Variants in TET3 observed in about 807,000 individuals in gnomAD.
TET3 encodes the protein methylcytosine dioxygenase TET3.
In TET3, 19 loss-of-function variants were observed where a neutral mutation model predicts 141.4. That is an observed-to-expected ratio of 0.13 (90% CI 0.09 to 0.20). The LOEUF (loss-of-function observed/expected upper bound fraction) is 0.20, where lower values mean the gene tolerates loss of function less well. Among genes scored for constraint, TET3 ranks in the 10% least tolerant of loss-of-function variants. TET3 has a pLI of 1.00. For missense variants in TET3, 1,874 were observed against 2,356.9 expected (o/e 0.80, Z 4.24); for synonymous variants, 1,043 against 980.9 (o/e 1.06, Z -1.18).
In TET3 at chr2:74,089,080, C is replaced by CAAA. The variant is rs34315040; in HGVS notation, c.2889-795_2889-793dup. ...TGAGCAACAGAACAGGATTCCGTCT[C>CAAA]AAAAAAAAAAAAAAAAAAAAAAAAG... On this transcript the variant is annotated intron_variant, in intron 7 of 11. Coordinates refer to ENST00000409262, the MANE Select transcript of TET3 (RefSeq NM_001287491.2). Among the ~76,000 whole-genome samples, 152 of 60,532 alleles carry CAAA rather than the reference C, an allele frequency of 2.5e-3. 1 individual carries two copies. The highest frequency in any genetic ancestry group is 3.3e-3 in the African/African-American group (53 of 16,144). 39.7% of individuals were successfully genotyped at this position (60,532 alleles called of 152,430 possible).
At chr2:74,002,756 A>G in intron 2 of TET3, 3 of 531,448 alleles carry the variant, frequency 5.6e-6, no homozygotes, top group South Asian at 2.6e-5. Flanking sequence ...TCCGGCGGGG[A>G]TAATGGGAGG....
At chr2:74,009,040 C>T (rs1685293235) in intron 3 of TET3, among the ~76,000 whole-genome samples, 1 of 152,210 alleles carries the variant, frequency 6.6e-6, no homozygotes, top group Admixed American at 6.5e-5. Context: ...TGAGCCCTGC[C>T]GACTGAGTGT....
chr2:74,003,567 T>TG (rs1221756016), intron 3 of TET3, among the ~76,000 whole-genome samples: 59 of 11,452 alleles, frequency 5.2e-3, no homozygotes, highest in African/African-American at 0.016. Context: ...GGAGGGGGGG[T>TG]GGGGGGGCGT....
At chr2:74,133,326 C>T in the TET3 span, among the ~76,000 whole-genome samples, 21 of 152,338 alleles carry the variant, frequency 1.4e-4, no homozygotes, top group South Asian at 4.3e-3. Flanking sequence ...ACCCCAAACA[C>T]TGGCTTAAAA....
At chr2:73,994,517 T>G (rs1273047996) in intron 2 of TET3, among the ~76,000 whole-genome samples, 1 of 152,308 alleles carries the variant, frequency 6.6e-6, no homozygotes, top group East Asian at 1.9e-4. Flanking sequence ...AGGGAAGTTA[T>G]GAGGATGTCC....
At chr2:74,130,497 G>C in the TET3 span, 3 of 152,282 alleles carry the variant, frequency 2.0e-5, no homozygotes, top group African/African-American at 7.2e-5. Context: ...CCTTTTGGTG[G>C]CCCGAAGAAG....
At chr2:74,051,344 A>G (rs983512282) in intron 4 of TET3, among the ~76,000 whole-genome samples, 1 of 152,218 alleles carries the variant, frequency 6.6e-6, no homozygotes, top group Non-Finnish European at 1.5e-5. Flanking sequence ...TTAGAGGAAA[A>G]TACTTAGGTA....
chr2:74,116,004 T>A, the TET3 span, among the ~76,000 whole-genome samples: 2 of 132,616 alleles, frequency 1.5e-5, no homozygotes, highest in Non-Finnish European at 1.6e-5. Context: ...GACACTGAGA[T>A]CTGGTCTCAA....
intron 8 of TET3, among the ~76,000 whole-genome samples, chr2:74,091,294 T>A (rs1272102941): frequency 6.6e-6 from 1 of 152,162 alleles, no homozygotes; most frequent in Non-Finnish European, 1.5e-5. Context: ...TTGGCTTAAT[T>A]TCTCTCAAAT....
intron 4 of TET3, among the ~76,000 whole-genome samples, chr2:74,058,455 G>A (rs774123594): frequency 2.6e-5 from 4 of 151,454 alleles, no homozygotes; most frequent in Non-Finnish European, 5.9e-5. Context: ...GGGAAAATGA[G>A]GGAAATTTGA....
chr2:74,085,092 C>T (rs1474256542), intron 6 of TET3, among the ~76,000 whole-genome samples: 2 of 150,888 alleles, frequency 1.3e-5, no homozygotes, highest in Admixed American at 6.6e-5. Flanking sequence ...CCTAATGCCA[C>T]TAAACGGTGT....
At chr2:74,114,892 TTATC>T in the TET3 span, among the ~76,000 whole-genome samples, 1 of 124,316 alleles carries the variant, frequency 8.0e-6, no homozygotes, top group Admixed American at 8.5e-5. Context: ...GGAAAACTGG[TTATC>T]TATATGCGAA....
intron 8 of TET3, 42 bp from the exon 9 acceptor site, chr2:74,092,860 G>C: frequency 6.5e-7 from 1 of 1,533,602 alleles, no homozygotes. Flanking sequence ...GGGTCTGCCA[G>C]GCGGGGCTGC....
At chr2:73,984,499 G>C (rs1683893426), upstream of TET3, among the ~76,000 whole-genome samples, 1 of 152,064 alleles carries the variant, frequency 6.6e-6, no homozygotes, top group African/African-American at 2.4e-5. This position sits in a 1 kb window ranked among gnomAD's most constrained non-coding sequence, Gnocchi z 5.6. Flanking sequence ...CGCCGGGGCT[G>C]TCCCGGACAG....
At position 74,047,115 on chromosome 2, in the gene TET3, T is replaced by C; in HGVS notation, c.1198T>C (p.Tyr400His). 1 of 1,613,940 alleles carries C rather than the reference T, an allele frequency of 6.2e-7. No individual in the cohort carries two copies. Among genetic ancestry groups the C allele is most frequent in the East Asian group, 2.2e-5 (1 of 44,872 alleles). The change falls in exon 4 of 12, where the codon TAC (tyrosine) becomes CAC (histidine). Residue 400 changes from tyrosine (Y) to histidine (H), a missense_variant. Transcript: ENST00000409262. Reference sequence around the variant, plus strand: ...TGCCCCTTTCAGATCTCCCCAGTCTTACCTCCGGGCTCCCTCATGGCCTGT... The same window carrying C: ...TGCCCCTTTCAGATCTCCCCAGTCTCACCTCCGGGCTCCCTCATGGCCTGT... ...PPAPFRSPQS[Y>H]LRAPSWPVVP...
In TET3 at chr2:74,090,046, A is replaced by T; in HGVS notation, c.3038A>T (p.Glu1013Val). ...CGCCTCGCAGGGGACAATCCCAAAGAGGTGAGCAGAGCTGGGCGGGGACCC... is the reference window on the plus strand; with the variant it reads ...CGCCTCGCAGGGGACAATCCCAAAGTGGTGAGCAGAGCTGGGCGGGGACCC... The part of the protein sequence containing the change: ...KFRLAGDNPK[E>V]EEVLRKSFQD... The change falls in exon 8 of 12, where the codon GAG (glutamate) becomes GTG (valine). Residue 1013 changes from glutamate to valine, a missense_variant and splice_region_variant. This residue lies in a region of TET3 where 126 missense variants were observed against 327.4 expected (regional missense o/e 0.38). Coordinates refer to ENST00000409262, the MANE Select transcript of TET3 (RefSeq NM_001287491.2). 1 of 1,613,928 alleles carries T rather than the reference A, an allele frequency of 6.2e-7. No individual in the cohort carries two copies. Among genetic ancestry groups the T allele is most frequent in the Non-Finnish European group, 8.5e-7 (1 of 1,179,858 alleles).
In TET3 at chr2:74,093,408, C is replaced by A. The variant is rs766655905; in HGVS notation, c.3130-121C>A. ...AGCCAGAAAACCTCCCTCCTGCAGTCGAAGGGCAAGGTGACTATCATCCTT... is the reference window on the plus strand; with the variant it reads ...AGCCAGAAAACCTCCCTCCTGCAGTAGAAGGGCAAGGTGACTATCATCCTT... On this transcript the variant is annotated intron_variant, in intron 9 of 11. Coordinates refer to ENST00000409262, the MANE Select transcript of TET3 (RefSeq NM_001287491.2). This position sits in a 1 kb window ranked among gnomAD's most constrained non-coding sequence, Gnocchi z 4.2. The A allele has an allele frequency of 9.7e-6, 13 of 1,345,820 alleles. No individual in the cohort carries two copies. Among genetic ancestry groups the A allele is most frequent in the Non-Finnish European group, 1.2e-5 (12 of 1,020,350 alleles). 83.4% of individuals were successfully genotyped at this position (1,345,820 alleles called of 1,614,324 possible).
chr2:74,127,193 G>A, the TET3 span, among the ~76,000 whole-genome samples: 2 of 152,214 alleles, frequency 1.3e-5, no homozygotes, highest in Non-Finnish European at 2.9e-5. Flanking sequence ...ACGGACTCAT[G>A]CTTGTTGATC....
At chr2:74,127,185 G>A in the TET3 span, among the ~76,000 whole-genome samples, 3 of 152,150 alleles carry the variant, frequency 2.0e-5, no homozygotes, top group Admixed American at 1.3e-4. Flanking sequence ...CAGAAGGGAC[G>A]GACTCATGCT....
Sources: gnomAD v4.1 joint callset for allele counts (sites outside exome capture counted in the v4.1 genomes callset) on GRCh38, gnomAD v4.1.1 for gene constraint, gnomAD v4.1.1 regional missense constraint, Gnocchi (gnomAD v3.1) non-coding constraint, MANE v1.5 for transcripts, NCBI Gene and HGNC (gene_info 2026-07-23, HGNC 2026-07-21) for gene names.